WDFY3: variants seen among roughly 807,000 people sequenced by gnomAD.
WDFY3 encodes the protein WD repeat and FYVE domain containing 3.
WDFY3 carries 66 observed loss-of-function variants against 409.6 expected under a neutral mutation model. The observed-to-expected ratio is 0.16, with a 90% CI of 0.13 to 0.20. WDFY3 has a LOEUF of 0.20. Among genes scored for constraint, WDFY3 ranks in the 10% least tolerant of loss-of-function variants. WDFY3 has a pLI of 1.00. For synonymous variants in WDFY3, 1,521 were observed against 1,537.1 expected, an observed-to-expected ratio of 0.99 and a Z score of 0.25; for missense variants, 3,031 against 4,298.1, an observed-to-expected ratio of 0.71 and a Z score of 8.24.
intron 16 of WDFY3, among the ~76,000 whole-genome samples, 159 bp from the exon 17 acceptor site, chr4:84,802,023 T>C (rs1376361982): frequency 4.0e-5 from 6 of 151,666 alleles, no homozygotes; most frequent in Admixed American, 2.0e-4. Context: ...TCTCGCCTCA[T>C]TGCAACCTCT....
chr4:84,955,880 A>C (rs1485913963), intron 1 of WDFY3, among the ~76,000 whole-genome samples: 1 of 152,202 alleles, frequency 6.6e-6, no homozygotes. Flanking sequence ...TCACCTCCTG[A>C]GTTATTCAAC....
Position 84,796,607 on chromosome 4 carries a change from G to A in WDFY3, c.3081C>T (p.Ser1027=). 1 of 1,613,982 alleles carries A rather than the reference G, an allele frequency of 6.2e-7. No homozygotes were observed. Residue 1027 remains serine (S), a synonymous_variant, in exon 19 of 68, where the codon TCC becomes TCT. Coordinates refer to ENST00000295888, the MANE Select transcript of WDFY3 (RefSeq NM_014991.6). The part of the protein sequence containing the change: ...VPLTRVKCLV[S]MTTPHDIRLH... ...GTCTGATGTCATGTGGGGTTGTCAT[G>A]GAGACCAGACACTTCACCCTGGTCA...
intron 1 of WDFY3, among the ~76,000 whole-genome samples, chr4:84,962,584 A>G (rs1374291256): frequency 1.3e-5 from 2 of 152,160 alleles, no homozygotes; most frequent in African/African-American, 4.8e-5. Context: ...GAGACTATCC[A>G]ATTATAGACA....
Position 84,690,517 on chromosome 4 carries a change from T to A in WDFY3, c.9352A>T (p.Thr3118Ser). Reference sequence around the variant, plus strand: ...ATGTTCTCTCTTACCTGTTTGAGGGTGACGGTCTTGGCCTTTTCTTTGGAG... The same window carrying A: ...ATGTTCTCTCTTACCTGTTTGAGGGAGACGGTCTTGGCCTTTTCTTTGGAG... Reference protein sequence around the residue: ...GTSKEKAKTVTLKQALLGHTD... With the variant: ...GTSKEKAKTVSLKQALLGHTD... The change falls in exon 61 of 68, where the codon ACC becomes TCC. Residue 3118 changes from threonine (T) to serine (S), a missense_variant. By Grantham distance (58) the Thr-to-Ser change is moderately conservative. Around this residue, in one of 16 missense-constraint regions of WDFY3, gnomAD observed 152 missense variants for 193.5 expected, o/e 0.79. Coordinates refer to ENST00000295888, the MANE Select transcript of WDFY3 (RefSeq NM_014991.6). The A allele has an allele frequency of 1.9e-6, 3 of 1,614,126 alleles. No individual in the cohort carries two copies. The highest frequency in any genetic ancestry group is 1.7e-6 in the Non-Finnish European group (2 of 1,180,014).
intron 34 of WDFY3, among the ~76,000 whole-genome samples, chr4:84,754,166 C>T (rs1434443269): frequency 6.6e-6 from 1 of 152,098 alleles, no homozygotes. Context: ...ATTATTATTA[C>T]CATGAGTGTT....
chr4:84,794,017 T>C (rs1748955098), intron 21 of WDFY3, among the ~76,000 whole-genome samples: 1 of 152,218 alleles, frequency 6.6e-6, no homozygotes, highest in African/African-American at 2.4e-5. Context: ...TGCCTTGAGT[T>C]TGGAGTTCTA....
At chr4:84,890,764 G>A (rs1764845247) in intron 3 of WDFY3, among the ~76,000 whole-genome samples, 1 of 152,170 alleles carries the variant, frequency 6.6e-6, no homozygotes, top group African/African-American at 2.4e-5. Context: ...ATAGGTAAGT[G>A]AGCATGTATT....
At chr4:84,918,562 G>A (rs1222220718) in intron 2 of WDFY3, among the ~76,000 whole-genome samples, 1 of 151,856 alleles carries the variant, frequency 6.6e-6, no homozygotes, top group Non-Finnish European at 1.5e-5. Flanking sequence ...TATCTAGCAG[G>A]GTAGCATGTT....
chr4:84,803,484 A>T lies in WDFY3; in HGVS notation c.2430-17T>A, dbSNP rs1750991840. The stretch of plus-strand genomic sequence containing the variant: ...TATGCATGCCTATAAAAAAAGAAAG[A>T]GTAAATTTGGTATTGAATTCCAATC... On this transcript the variant is annotated splice_polypyrimidine_tract_variant and intron_variant, in intron 15 of 67. Transcript: ENST00000295888. 6.3e-7 allele frequency: 1 copy of T among 1,593,214 alleles called. No homozygotes were observed. Among genetic ancestry groups the T allele is most frequent in the East Asian group, 2.2e-5 (1 of 44,686 alleles).
intron 46 of WDFY3, among the ~76,000 whole-genome samples, chr4:84,721,974 G>A (rs2149089523): frequency 6.6e-6 from 1 of 152,246 alleles, no homozygotes; most frequent in African/African-American, 2.4e-5. Context: ...AATAGTGTCA[G>A]GTAATGATGA....
At chr4:84,714,002 G>A (rs1733388824) in intron 50 of WDFY3, among the ~76,000 whole-genome samples, 1 of 151,912 alleles carries the variant, frequency 6.6e-6, no homozygotes, top group South Asian at 2.1e-4. Context: ...TGATATCCCA[G>A]CTAATTGGGA....
At chr4:84,711,842 C>T (rs1018430852) in intron 51 of WDFY3, among the ~76,000 whole-genome samples, 1 of 150,822 alleles carries the variant, frequency 6.6e-6, no homozygotes, top group Non-Finnish European at 1.5e-5. Context: ...CAGAGCAAGA[C>T]TCCGTCTCAA....
chr4:84,873,664 G>A (rs1194865743), intron 3 of WDFY3, among the ~76,000 whole-genome samples: 1 of 151,920 alleles, frequency 6.6e-6, no homozygotes, highest in Non-Finnish European at 1.5e-5. Flanking sequence ...TATTGAAACT[G>A]AAAAAAACAG....
At chr4:84,766,701 C>T (rs1743706886) in intron 30 of WDFY3, among the ~76,000 whole-genome samples, 1 of 152,158 alleles carries the variant, frequency 6.6e-6, no homozygotes, top group African/African-American at 2.4e-5. Context: ...ACCACTGACT[C>T]TTAACCTCTC....
rs979472589 is a variant in WDFY3, at chr4:84,716,303, G to A, written c.7875+593C>T. On this transcript the variant is annotated intron_variant, in intron 49 of 67. Transcript: ENST00000295888. ...AACAGAAAAAAATTAGCTGGGCGTG[G>A]TGGCAGGCGCCTCTAGTCCCAGCTA... is the stretch of plus-strand genomic sequence containing the variant. Among the ~76,000 whole-genome samples the A allele has an allele frequency of 4.0e-5, 6 of 151,600 alleles. No homozygotes were observed. In the South Asian group the frequency reaches 1.0e-3, roughly 26 times the overall value.
At chr4:84,792,950 C>G (rs909229032) in intron 21 of WDFY3, among the ~76,000 whole-genome samples, 2 of 151,938 alleles carry the variant, frequency 1.3e-5, no homozygotes, top group Non-Finnish European at 2.9e-5. Context: ...GCAGACAAAA[C>G]AAATTAAAAA....
intron 51 of WDFY3, among the ~76,000 whole-genome samples, chr4:84,710,532 C>A (rs949680410): frequency 6.6e-6 from 1 of 152,132 alleles, no homozygotes; most frequent in African/African-American, 2.4e-5. Context: ...AACCTTAGAT[C>A]CTAAACACAT....
rs957779354 is a variant in WDFY3, at chr4:84,846,898, T to C, written c.304+3004A>G. 2.2e-4 allele frequency among the ~76,000 whole-genome samples: 34 copies of C among 151,884 alleles called. 1 individual carries two copies. The highest frequency in any genetic ancestry group is 1.5e-5 in the Non-Finnish European group (1 of 67,988). The stretch of plus-strand genomic sequence containing the variant: ...AACCCCTGAGAGGCTCAGGAATTGG[T>C]GGCACAATGCACCTTTGGAAGCAGA... On this transcript the variant is annotated intron_variant, in intron 5 of 67. Coordinates refer to ENST00000295888, the MANE Select transcript of WDFY3 (RefSeq NM_014991.6).
At chr4:84,799,327 T>A (rs1750073061) in intron 17 of WDFY3, among the ~76,000 whole-genome samples, 1 of 96,834 alleles carries the variant, frequency 1.0e-5, no homozygotes, top group Admixed American at 1.1e-4. Flanking sequence ...AGTTAATACA[T>A]ATATATATAT....
Sources: allele counts gnomAD v4.1 joint callset (sites outside exome capture counted in the v4.1 genomes callset), GRCh38; gene constraint gnomAD v4.1.1; regional missense constraint gnomAD v4.1.1; transcripts MANE v1.5; gene names NCBI Gene and HGNC (gene_info 2026-07-23, HGNC 2026-07-21).